The following CDYL variants were observed in gnomAD, a reference collection of about 807,000 sequenced individuals.
CDYL encodes chromodomain Y like.
CDYL carries 8 observed loss-of-function variants against 47.3 expected under a neutral mutation model. The ratio of observed to expected loss-of-function variants is 0.17; its 90% CI spans 0.10 to 0.31. The LOEUF (loss-of-function observed/expected upper bound fraction) is 0.31. CDYL is among the 10% of genes least tolerant of loss of function. The pLI, the probability that CDYL is intolerant of heterozygous loss-of-function variation, is 1.00. For missense variants in CDYL, 471 were observed against 701.4 expected (o/e 0.67, Z 3.71); for synonymous variants, 266 against 265.0 (o/e 1.00, Z -0.04).
At chr6:4,729,424 C>T (rs866094173) in intron 2 of CDYL, among the ~76,000 whole-genome samples, 1 of 152,204 alleles carries the variant, frequency 6.6e-6, no homozygotes, top group Non-Finnish European at 1.5e-5. Context: ...GATACCTTCT[C>T]AGACCTCTGG....
At chr6:4,866,945 C>T (rs1218899286) in intron 1 of CDYL, among the ~76,000 whole-genome samples, 1 of 151,986 alleles carries the variant, frequency 6.6e-6, no homozygotes, top group Non-Finnish European at 1.5e-5. Context: ...TAAATTGATC[C>T]TCTAGTTTGG....
At chr6:4,934,837 A>G (rs143074956) in intron 2 of CDYL, among the ~76,000 whole-genome samples, 2 of 152,320 alleles carry the variant, frequency 1.3e-5, no homozygotes, top group African/African-American at 2.4e-5. Context: ...GAGCTGTGAC[A>G]TACGAGGGAA....
At chr6:4,898,655 A>G (rs1322238097) in intron 2 of CDYL, among the ~76,000 whole-genome samples, 2 of 152,158 alleles carry the variant, frequency 1.3e-5, no homozygotes, top group Admixed American at 1.3e-4. Context: ...TCAGTTCCTC[A>G]GAGTGAGCAT....
intron 3 of CDYL, among the ~76,000 whole-genome samples, chr6:4,735,426 TA>T (rs540136977): frequency 2.2e-4 from 34 of 152,138 alleles, no homozygotes; most frequent in African/African-American, 7.2e-4. Context: ...TGCTTCTTTT[TA>T]AAAAAAATCA....
intron 1 of CDYL, among the ~76,000 whole-genome samples, chr6:4,889,119 G>A (rs1761971575): frequency 6.6e-6 from 1 of 152,158 alleles, no homozygotes; most frequent in Admixed American, 6.5e-5. Context: ...AATTAATGGA[G>A]CAGTTTGCCT....
chr6:4,844,171 G>C (rs1297337829), intron 1 of CDYL, among the ~76,000 whole-genome samples: 1 of 152,218 alleles, frequency 6.6e-6, no homozygotes, highest in Non-Finnish European at 1.5e-5. Flanking sequence ...AGAGTCCTGT[G>C]ATGTGAACCA....
At chr6:4,803,561 G>A (rs1160650453) in intron 1 of CDYL, among the ~76,000 whole-genome samples, 1 of 152,004 alleles carries the variant, frequency 6.6e-6, no homozygotes, top group Non-Finnish European at 1.5e-5. Context: ...AGACAGGTGT[G>A]GGCTCTGTTC....
intron 5 of CDYL, among the ~76,000 whole-genome samples, chr6:4,949,045 T>A (rs879490587): frequency 6.6e-6 from 1 of 152,232 alleles, no homozygotes; most frequent in African/African-American, 2.4e-5. Context: ...ATTATCAAGA[T>A]AAAAAGAATA....
chr6:4,884,491 A>G (rs1183983140), intron 1 of CDYL, among the ~76,000 whole-genome samples: 3 of 152,242 alleles, frequency 2.0e-5, no homozygotes, highest in Non-Finnish European at 4.4e-5. Context: ...AGAAGCCGAG[A>G]CAGTATAAAT....
chr6:4,925,795 C>T (rs79384196), intron 2 of CDYL, among the ~76,000 whole-genome samples: 2,361 of 152,090 alleles, frequency 0.016, 51 homozygotes, highest in African/African-American at 0.054. Flanking sequence ...GGAGGTCGGG[C>T]GCATATCCTT....
In CDYL at chr6:4,854,268, C is replaced by T. The variant is rs184037907; in HGVS notation, c.25-37445C>T. ...GATTCTTATGTAATCTGAGTGATGC[C>T]GTCTTGCAGGCATGGCTCAGATCCT... is the stretch of plus-strand genomic sequence containing the variant. On this transcript the variant is annotated intron_variant, in intron 1 of 6. Transcript: ENST00000397588. Among the ~76,000 whole-genome samples, 34 of 152,300 alleles carry T rather than the reference C, an allele frequency of 2.2e-4. 1 individual carries two copies. The East Asian group carries it at 3.7e-3, about 16-fold the overall frequency.
At chr6:4,814,583 G>A (rs1276880917) in intron 1 of CDYL, among the ~76,000 whole-genome samples, 1 of 152,058 alleles carries the variant, frequency 6.6e-6, no homozygotes. Context: ...GAGTCCAGTG[G>A]TGCAGTCCTG....
At chr6:4,895,913 G>A (rs1762269429) in intron 2 of CDYL, among the ~76,000 whole-genome samples, 1 of 152,206 alleles carries the variant, frequency 6.6e-6, no homozygotes, top group African/African-American at 2.4e-5. Flanking sequence ...AAAGGGATGT[G>A]TAAGCATAGA....
At chr6:4,857,371 G>C (rs997157767) in intron 1 of CDYL, among the ~76,000 whole-genome samples, 1 of 152,204 alleles carries the variant, frequency 6.6e-6, no homozygotes, top group Non-Finnish European at 1.5e-5. Context: ...ATATACACGA[G>C]AGTAAACATC....
intron 1 of CDYL, among the ~76,000 whole-genome samples, chr6:4,799,521 G>C (rs1561643352): frequency 6.6e-6 from 1 of 151,908 alleles, no homozygotes; most frequent in African/African-American, 2.4e-5. Context: ...TCATGGCTCA[G>C]CATAGCTTCC....
intron 1 of CDYL, among the ~76,000 whole-genome samples, chr6:4,712,737 G>C (rs753305176): frequency 1.8e-4 from 28 of 152,332 alleles, no homozygotes; most frequent in Non-Finnish European, 3.4e-4. Context: ...TCCCATTTAT[G>C]AGAAACTGGA....
intron 1 of CDYL, among the ~76,000 whole-genome samples, chr6:4,834,801 T>C (rs1226990776): frequency 5.3e-5 from 8 of 152,256 alleles, no homozygotes; most frequent in Admixed American, 3.3e-4. Context: ...CTAAACTTCC[T>C]TTCTCGCTTC....
chr6:4,917,854 G>T (rs1757600618), intron 2 of CDYL, among the ~76,000 whole-genome samples: 1 of 152,266 alleles, frequency 6.6e-6, no homozygotes, highest in Admixed American at 6.5e-5. Flanking sequence ...CTGAAGTTCT[G>T]CCCTCTGTGA....
rs7356970 is a variant in CDYL, at chr6:4,945,316, G to A, written c.1332+1560G>A. 2.6e-3 allele frequency among the ~76,000 whole-genome samples: 397 copies of A among 152,210 alleles called. 3 individuals are homozygous for A. The highest frequency in any genetic ancestry group is 8.9e-3 in the African/African-American group (370 of 41,522). ...TTTTATCATCTTCCTGCATCTAAACGTACTTGAAAACCAGAACGTTTAAAA... is the reference window on the plus strand; with the variant it reads ...TTTTATCATCTTCCTGCATCTAAACATACTTGAAAACCAGAACGTTTAAAA... On this transcript the variant is annotated intron_variant, in intron 5 of 6. Coordinates refer to ENST00000397588, the MANE Select transcript of CDYL (RefSeq NM_004824.4).
Sources: allele counts gnomAD v4.1 joint callset (sites outside exome capture counted in the v4.1 genomes callset), GRCh38; gene constraint gnomAD v4.1.1; transcripts MANE v1.5; gene names NCBI Gene and HGNC (gene_info 2026-07-23, HGNC 2026-07-21).